The following DIP2B variants were observed in gnomAD, a reference collection of about 807,000 sequenced individuals.
The protein encoded by DIP2B is disco-interacting protein 2 homolog B.
DIP2B carries 76 observed loss-of-function variants against 198.0 expected under a neutral mutation model. The observed-to-expected ratio is 0.38, with a 90% confidence interval of 0.32 to 0.46. The LOEUF (loss-of-function observed/expected upper bound fraction) is 0.46. DIP2B is among the 20% of genes least tolerant of loss of function. DIP2B has a pLI of 0.99. For missense variants in DIP2B, 1,559 were observed against 1,978.4 expected (o/e 0.79, Z 4.02); for synonymous variants, 701 against 739.1 (o/e 0.95, Z 0.84).
intron 22 of DIP2B, among the ~76,000 whole-genome samples, chr12:50,713,620 G>C (rs78988240): frequency 0.014 from 2,083 of 152,302 alleles, 43 homozygotes; most frequent in African/African-American, 0.047. Flanking sequence ...GAGATGCATG[G>C]TAACATGGTG....
chr12:50,540,758 C>T lies in DIP2B; in HGVS notation c.100+35518C>T, dbSNP rs960339102. Among the ~76,000 whole-genome samples the T allele has an allele frequency of 4.7e-5, 7 of 149,954 alleles. 1 individual carries two copies. The highest frequency in any genetic ancestry group is 4.2e-4 in the South Asian group (2 of 4,706). Reference sequence around the variant, plus strand: ...TAGAGACGGGGTTTCACCGTGGTCTCGATCTCCTGACCTCGTGATCCGCCC... The same window carrying T: ...TAGAGACGGGGTTTCACCGTGGTCTTGATCTCCTGACCTCGTGATCCGCCC... On this transcript the variant is annotated intron_variant, in intron 1 of 37. Transcript: ENST00000301180.
intron 4 of DIP2B, among the ~76,000 whole-genome samples, chr12:50,667,367 C>T (rs994468406): frequency 6.6e-6 from 1 of 152,096 alleles, no homozygotes; most frequent in African/African-American, 2.4e-5. Context: ...TAAGTGATAA[C>T]AGTCATGAGT....
intron 22 of DIP2B, among the ~76,000 whole-genome samples, chr12:50,709,498 C>T (rs545072767): frequency 1.3e-4 from 19 of 151,904 alleles, no homozygotes; most frequent in African/African-American, 4.3e-4. Flanking sequence ...ATTAACTGGG[C>T]GTGGTGGCAG....
intron 4 of DIP2B, among the ~76,000 whole-genome samples, chr12:50,665,014 A>G (rs1938726208): frequency 6.6e-6 from 1 of 151,796 alleles, no homozygotes; most frequent in Admixed American, 6.6e-5. Context: ...ACACCCGGCT[A>G]ATATTTTTAT....
At chr12:50,516,800 C>A (rs1958069654) in intron 1 of DIP2B, among the ~76,000 whole-genome samples, 4 of 151,972 alleles carry the variant, frequency 2.6e-5, no homozygotes, top group Admixed American at 1.3e-4. Flanking sequence ...CATGGCGAAA[C>A]CCTATCAGTA....
intron 1 of DIP2B, among the ~76,000 whole-genome samples, chr12:50,615,463 A>G (rs982197210): frequency 6.6e-6 from 1 of 152,208 alleles, no homozygotes; most frequent in Admixed American, 6.5e-5. Context: ...ATCCAAAGGC[A>G]CTAACTTTGT....
chr12:50,581,526 G>A (rs376024513), intron 1 of DIP2B, among the ~76,000 whole-genome samples: 3 of 149,188 alleles, frequency 2.0e-5, no homozygotes, highest in Non-Finnish European at 4.4e-5. Flanking sequence ...AATGTGGAAG[G>A]GGGTAGAGGA....
At chr12:50,726,664 CTTTCT>C (rs201511889) in intron 28 of DIP2B, among the ~76,000 whole-genome samples, 46 of 148,612 alleles carry the variant, frequency 3.1e-4, no homozygotes, top group Non-Finnish European at 4.0e-4. Flanking sequence ...ATTTTTCTTT[CTTTCT>C]TTTTTTTTTT....
At chr12:50,623,433 ACACACTCTCTCTCTCT>A (rs1417235314) in intron 1 of DIP2B, among the ~76,000 whole-genome samples, 2 of 46,772 alleles carry the variant, frequency 4.3e-5, no homozygotes, top group Admixed American at 1.9e-4. Context: ...ACACACACAC[ACACACTCTCTCTCTCT>A]CTCTCTCTCT....
intron 23 of DIP2B, among the ~76,000 whole-genome samples, chr12:50,716,928 T>C (rs189936146): frequency 6.0e-4 from 87 of 145,658 alleles, no homozygotes; most frequent in African/African-American, 2.1e-3. Flanking sequence ...GGAACACCCA[T>C]GTAGCCTATC....
Position 50,723,317 on chromosome 12 carries a change from T to C in DIP2B, c.3282T>C (p.Ile1094=), listed in dbSNP as rs536039018. 6.2e-7 allele frequency: 1 copy of C among 1,614,140 alleles called. No homozygotes were observed. Among genetic ancestry groups the C allele is most frequent in the South Asian group, 1.1e-5 (1 of 91,082 alleles). Reference sequence around the variant, plus strand: ...CCACGCTGCCCACTGTCCGAATGATTGTTGATGTAAGTACCAGCTGTATCT... The same window carrying C: ...CCACGCTGCCCACTGTCCGAATGATCGTTGATGTAAGTACCAGCTGTATCT... ...LTATLPTVRM[I]VDVSKAACIL... is the part of the protein sequence containing the mutation. Residue 1094 remains isoleucine, a synonymous_variant, in exon 27 of 38, where the codon ATT becomes ATC. Transcript: ENST00000301180.
At chr12:50,571,794 G>A (rs201814615) in intron 1 of DIP2B, among the ~76,000 whole-genome samples, 5 of 151,498 alleles carry the variant, frequency 3.3e-5, no homozygotes, top group Non-Finnish European at 5.9e-5. Flanking sequence ...TCTTGACCTC[G>A]TGATCCTCCT....
At chr12:50,579,497 A>G (rs1275786138) in intron 1 of DIP2B, among the ~76,000 whole-genome samples, 1 of 149,754 alleles carries the variant, frequency 6.7e-6, no homozygotes, top group Non-Finnish European at 1.5e-5. Context: ...CTGTAACCCC[A>G]GCTAGTCAGG....
intron 3 of DIP2B, 91 bp from the exon 4 acceptor site, chr12:50,660,103 T>C (rs1157324403): frequency 1.6e-6 from 2 of 1,250,448 alleles, no homozygotes; most frequent in Non-Finnish European, 2.1e-6. Context: ...TTTTTTTTTT[T>C]TTAAACAATT....
At position 50,748,597 on chromosome 12, in the gene DIP2B, T is replaced by C. The variant is rs533278048; in HGVS notation, c.*3758T>C. 1 of 152,788 alleles carries C rather than the reference T, an allele frequency of 6.5e-6. No individual in the cohort carries two copies. The highest frequency in any genetic ancestry group is 2.4e-5 in the African/African-American group (1 of 41,582). 9.5% of individuals were successfully genotyped at this position (152,788 alleles called of 1,614,324 possible). A position where few individuals can be genotyped will look rare whatever the true frequency, so the allele number is the denominator to read the frequency against. ...TTAAATTTAACATCTGGCTGGACAG[T>C]GTTCTATTAACTCATTGAATGTGTT... On this transcript the variant is annotated 3_prime_UTR_variant, in exon 38 of 38. Coordinates refer to ENST00000301180, the MANE Select transcript of DIP2B (RefSeq NM_173602.3).
At position 50,741,493 on chromosome 12, in the gene DIP2B, G is replaced by A; in HGVS notation, c.4432G>A (p.Asp1478Asn). The A allele has an allele frequency of 1.2e-6, 2 of 1,614,142 alleles. No individual in the cohort carries two copies. The change falls in exon 37 of 38, where the codon GAT (aspartate) becomes AAT (asparagine). Residue 1478 changes from aspartate to asparagine, a missense_variant. Coordinates refer to ENST00000301180, the MANE Select transcript of DIP2B (RefSeq NM_173602.3). ...GAGAGGATTACGATACCACCCAATT[G>A]ATATTGAGACCTCGGTGTCCCGGAT... ...ELRGLRYHPIDIETSVSRIHR... is the reference protein window; with the variant it reads ...ELRGLRYHPINIETSVSRIHR...
intron 20 of DIP2B, among the ~76,000 whole-genome samples, chr12:50,704,792 T>C (rs1939484424): frequency 6.6e-6 from 1 of 152,074 alleles, no homozygotes; most frequent in Admixed American, 6.6e-5. Context: ...TGGCAAATTC[T>C]GTGTCTACTA....
chr12:50,742,852 C>T (rs879522463), intron 37 of DIP2B, among the ~76,000 whole-genome samples: 29 of 151,686 alleles, frequency 1.9e-4, no homozygotes, highest in Non-Finnish European at 3.7e-4. Context: ...GCCAAGATTG[C>T]GCCACTGTAC....
chr12:50,559,776 C>T (rs1280456258), intron 1 of DIP2B, among the ~76,000 whole-genome samples: 1 of 150,786 alleles, frequency 6.6e-6, no homozygotes, highest in Non-Finnish European at 1.5e-5. Context: ...TTAACACTTA[C>T]AAGGTATCAT....
Sources: gnomAD v4.1 joint callset for allele counts (sites outside exome capture counted in the v4.1 genomes callset) on GRCh38, gnomAD v4.1.1 for gene constraint, MANE v1.5 for transcripts, NCBI Gene and HGNC (gene_info 2026-07-23, HGNC 2026-07-21) for gene names.